Variants in PTBP3 observed in about 807,000 individuals in gnomAD.
PTBP3 encodes polypyrimidine tract-binding protein 3.
In PTBP3, 20 loss-of-function variants were observed where a neutral mutation model predicts 58.7. The ratio of observed to expected loss-of-function variants is 0.34; its 90% CI spans 0.24 to 0.50. The LOEUF is 0.50. PTBP3 is among the 20% of genes least tolerant of loss of function. The pLI, the probability that PTBP3 is intolerant of heterozygous loss-of-function variation, is 0.98. For synonymous variants in PTBP3, 185 were observed against 219.8 expected, an observed-to-expected ratio of 0.84 and a Z score of 1.40; for missense variants, 509 against 637.2, an observed-to-expected ratio of 0.80 and a Z score of 2.17.
At chr9:112,308,530 T>C (rs1420071092) in intron 1 of PTBP3, among the ~76,000 whole-genome samples, 2 of 152,082 alleles carry the variant, frequency 1.3e-5, no homozygotes, top group Non-Finnish European at 2.9e-5. Flanking sequence ...TCCGTAAGGT[T>C]TGACTGCTAT....
At position 112,223,331 on chromosome 9, in the gene PTBP3, T is replaced by C. The variant is rs1439117301; in HGVS notation, c.*520A>G. 1.2e-5 allele frequency: 12 copies of C among 974,246 alleles called. No homozygotes were observed. Among genetic ancestry groups the C allele is most frequent in the Non-Finnish European group, 1.2e-5 (10 of 819,200 alleles). The allele number at this position is 974,246 out of a possible 1,614,324, so 60.4% of individuals were successfully genotyped here. A position where few individuals can be genotyped will look rare whatever the true frequency, so the allele number is the denominator to read the frequency against. On this transcript the variant is annotated 3_prime_UTR_variant, in exon 14 of 14. Transcript: ENST00000374257. The stretch of plus-strand genomic sequence containing the variant: ...TCAATGTGTTTATGCATAATAACCA[T>C]CAATATATGGCAAAGATCTGATGTA...
chr9:112,379,856 GAGCC>G, the PTBP3 span: 1 of 521,970 alleles, frequency 1.9e-6, no homozygotes, highest in South Asian at 2.4e-5. Flanking sequence ...GCGCCGACAG[GAGCC>G]TGATTGTCAC....
chr9:112,290,444 G>C (rs550304837), intron 2 of PTBP3, among the ~76,000 whole-genome samples: 2 of 152,080 alleles, frequency 1.3e-5, no homozygotes, highest in South Asian at 4.2e-4. Context: ...GGAAGCTAAG[G>C]TGGGATTACT....
downstream of PTBP3, chr9:112,217,726 A>G (rs1321472565): frequency 1.3e-5 from 2 of 152,196 alleles, no homozygotes; most frequent in African/African-American, 4.8e-5. Context: ...AAAAATACCT[A>G]TTTATTTTCC....
intron 3 of PTBP3, among the ~76,000 whole-genome samples, chr9:112,274,989 A>AT (rs1401091641): frequency 6.6e-6 from 1 of 152,184 alleles, no homozygotes; most frequent in Non-Finnish European, 1.5e-5. Flanking sequence ...TTCCCACCTT[A>AT]TAAAAACCAA....
chr9:112,349,315 T>C, the PTBP3 span, among the ~76,000 whole-genome samples: 4 of 152,184 alleles, frequency 2.6e-5, no homozygotes, highest in Admixed American at 1.3e-4. Context: ...TCTTGCCCTA[T>C]GCATCTCTTC....
chr9:112,306,706 C>T (rs1366536135), intron 1 of PTBP3, among the ~76,000 whole-genome samples: 4 of 151,780 alleles, frequency 2.6e-5, no homozygotes, highest in Non-Finnish European at 2.9e-5. Flanking sequence ...ACCTCTGCTT[C>T]CTGGGTTCAA....
chr9:112,363,492 A>T, the PTBP3 span, among the ~76,000 whole-genome samples: 1 of 150,582 alleles, frequency 6.6e-6, no homozygotes, highest in Non-Finnish European at 1.5e-5. Context: ...AATGCACCTC[A>T]GCCTGGGCTA....
chr9:112,373,030 G>GAAGGCT, the PTBP3 span, among the ~76,000 whole-genome samples: 1 of 18,956 alleles, frequency 5.3e-5, no homozygotes, highest in Non-Finnish European at 1.1e-4. Flanking sequence ...AAGTAGCTGG[G>GAAGGCT]ACTACAGTGC....
intron 4 of PTBP3, among the ~76,000 whole-genome samples, chr9:112,263,568 CTA>C (rs546624501): frequency 2.5e-3 from 376 of 152,304 alleles, no homozygotes; most frequent in Non-Finnish European, 4.1e-3. Flanking sequence ...AATAAATTGC[CTA>C]TAATTTTCAA....
Position 112,302,582 on chromosome 9 carries a change from C to CTTTTTTTTTT in PTBP3, c.-51-4676_-51-4667dup, listed in dbSNP as rs369208342. On this transcript the variant is annotated intron_variant, in intron 1 of 13. Coordinates refer to ENST00000374257, the MANE Select transcript of PTBP3 (RefSeq NM_001163788.4). ...CCCAAAAGCTGACTATATTCTTCAT[C>CTTTTTTTTTT]TTTTTTTTTTTTTTTTTTTTTTTGG... Among the ~76,000 whole-genome samples, 78 of 110,484 alleles carry CTTTTTTTTTT rather than the reference C, an allele frequency of 7.1e-4. 4 individuals are homozygous for CTTTTTTTTTT. The highest frequency in any genetic ancestry group is 8.8e-4 in the Non-Finnish European group (49 of 55,734). The allele number at this position is 110,484 out of a possible 152,430, so 72.5% of individuals were successfully genotyped here. A position where few individuals can be genotyped will look rare whatever the true frequency, so the allele number is the denominator to read the frequency against.
At chr9:112,228,540 T>A in intron 10 of PTBP3, 68 bp from the exon 11 acceptor site, 1 of 1,136,236 alleles carries the variant, frequency 8.8e-7, no homozygotes, top group Non-Finnish European at 1.2e-6. Flanking sequence ...ATTTTACTAA[T>A]ATACTTAAAG....
intron 7 of PTBP3, 87 bp from the exon 8 acceptor site, chr9:112,234,984 A>G: frequency 9.3e-7 from 1 of 1,073,572 alleles, no homozygotes; most frequent in Non-Finnish European, 1.4e-6. Flanking sequence ...ATGAAAGTAT[A>G]TTACTAACAA....
the PTBP3 span, among the ~76,000 whole-genome samples, chr9:112,345,861 T>C: frequency 2.0e-5 from 3 of 152,010 alleles, no homozygotes; most frequent in African/African-American, 7.3e-5. Flanking sequence ...TTTTCTTTTT[T>C]TTTTTCTTTT....
the PTBP3 span, among the ~76,000 whole-genome samples, chr9:112,359,338 T>C: frequency 6.6e-6 from 1 of 151,668 alleles, no homozygotes; most frequent in African/African-American, 2.4e-5. Flanking sequence ...TCCCAGATAC[T>C]TGGGAGGCTG....
Position 112,223,729 on chromosome 9 carries a change from G to A in PTBP3, c.*122C>T. 7.4e-7 allele frequency: 1 copy of A among 1,346,680 alleles called. No homozygotes were observed. Among genetic ancestry groups the A allele is most frequent in the Non-Finnish European group, 9.4e-7 (1 of 1,061,966 alleles). The allele number at this position is 1,346,680 out of a possible 1,614,324, so 83.4% of individuals were successfully genotyped here. A position where few individuals can be genotyped will look rare whatever the true frequency, so the allele number is the denominator to read the frequency against. ...ATCCCTTGATTTTTAAAATATACTT[G>A]AATATCAAACTCAGAGTTATTTTTG... is the stretch of plus-strand genomic sequence containing the variant. On this transcript the variant is annotated 3_prime_UTR_variant, in exon 14 of 14. Coordinates refer to ENST00000374257, the MANE Select transcript of PTBP3 (RefSeq NM_001163788.4).
chr9:112,306,698 C>T (rs1293728352), intron 1 of PTBP3, among the ~76,000 whole-genome samples: 2 of 151,820 alleles, frequency 1.3e-5, no homozygotes, highest in African/African-American at 2.4e-5. Flanking sequence ...TCACTGCAAC[C>T]TCTGCTTCCT....
At chr9:112,324,720 G>A (rs746639041) in intron 1 of PTBP3, among the ~76,000 whole-genome samples, 1 of 151,030 alleles carries the variant, frequency 6.6e-6, no homozygotes, top group Non-Finnish European at 1.5e-5. Context: ...AAGAAGATAA[G>A]TGAATGCCTA....
At chr9:112,235,889 A>T (rs1049035743) in intron 7 of PTBP3, among the ~76,000 whole-genome samples, 2 of 152,142 alleles carry the variant, frequency 1.3e-5, no homozygotes, top group African/African-American at 4.8e-5. Context: ...GAAACAAGGA[A>T]TTATAGTACC....
Sources: allele counts gnomAD v4.1 joint callset (sites outside exome capture counted in the v4.1 genomes callset), GRCh38; gene constraint gnomAD v4.1.1; transcripts MANE v1.5; gene names NCBI Gene and HGNC (gene_info 2026-07-23, HGNC 2026-07-21).